CYP46A1: variants seen among roughly 807,000 people sequenced by gnomAD.
CYP46A1 encodes cholesterol 24-hydroxylase.
A neutral mutation model predicts 63.3 loss-of-function variants in CYP46A1; 20 were observed. That is an observed-to-expected ratio of 0.32 (90% CI 0.22 to 0.46). The LOEUF (loss-of-function observed/expected upper bound fraction) is 0.46. Ranked by LOEUF, CYP46A1 falls within the 20% of genes least tolerant of loss-of-function variation. The probability of loss-of-function intolerance (pLI) is 1.00; values close to 1 mark genes in which losing one functional copy is unlikely to be tolerated. For missense variants in CYP46A1, 445 were observed against 670.8 expected, an observed-to-expected ratio of 0.66 and a Z score of 3.72; for synonymous variants, 268 against 273.6, an observed-to-expected ratio of 0.98 and a Z score of 0.20.
intron 11 of CYP46A1, among the ~76,000 whole-genome samples, 188 bp from the exon 12 acceptor site, chr14:99,721,768 G>A (rs573528228): frequency 6.6e-6 from 1 of 152,108 alleles, no homozygotes; most frequent in South Asian, 2.1e-4. Context: ...TCTCCTTCTG[G>A]ACCTCAGTTT....
intron 10 of CYP46A1, among the ~76,000 whole-genome samples, chr14:99,720,280 G>A (rs529599228): frequency 1.2e-4 from 18 of 152,222 alleles, no homozygotes; most frequent in African/African-American, 4.3e-4. Context: ...ATCATATGGT[G>A]ATTCTATTTT....
At chr14:99,708,919 A>G (rs1356547086) in intron 7 of CYP46A1, 1 of 152,220 alleles carries the variant, frequency 6.6e-6, no homozygotes, top group Non-Finnish European at 1.5e-5. Flanking sequence ...TAACAATGAC[A>G]GTCTAAGCCA....
intron 14 of CYP46A1, 134 bp downstream of exon 14, chr14:99,726,390 C>T: frequency 8.5e-7 from 1 of 1,182,626 alleles, no homozygotes; most frequent in South Asian, 1.6e-5. Context: ...GGAGCCAGAC[C>T]CAGAGGACTG....
At chr14:99,712,186 A>G (rs1463108601) in intron 7 of CYP46A1, 2 of 152,222 alleles carry the variant, frequency 1.3e-5, no homozygotes, top group African/African-American at 2.4e-5. Context: ...CATCATACTT[A>G]GTGGGGAAAA....
chr14:99,720,328 G>A (rs1225257530), intron 10 of CYP46A1, among the ~76,000 whole-genome samples: 1 of 152,010 alleles, frequency 6.6e-6, no homozygotes, highest in Non-Finnish European at 1.5e-5. Flanking sequence ...TTTCCATAAC[G>A]GCTGAACCAT....
rs2056613363 is a variant in CYP46A1 at position 99,699,577 on chromosome 14, G to A, written c.356+38G>A. Reference sequence around the variant, plus strand: ...GGTGGAAGGCCTGGGTGGGAGGCCAGGAGAGCCCTGCTGTGAGTGAGGGCC... The same window carrying A: ...GGTGGAAGGCCTGGGTGGGAGGCCAAGAGAGCCCTGCTGTGAGTGAGGGCC... On this transcript the variant is annotated intron_variant, in intron 4 of 14. Transcript: ENST00000261835. 8 of 1,608,668 alleles carry A rather than the reference G, an allele frequency of 5.0e-6. No homozygotes were observed. The African/African-American group carries it at 1.1e-4, about 21-fold the overall frequency.
At chr14:99,716,086 G>C (rs768793505) in intron 8 of CYP46A1, 51 bp from the exon 9 acceptor site, 27 of 1,612,758 alleles carry the variant, frequency 1.7e-5, no homozygotes, top group Non-Finnish European at 2.3e-5. Flanking sequence ...ATGAGCCATG[G>C]GGAAAGGGAG....
intron 12 of CYP46A1, among the ~76,000 whole-genome samples, chr14:99,724,073 T>C (rs1346903415): frequency 3.3e-5 from 5 of 152,196 alleles, no homozygotes; most frequent in Non-Finnish European, 5.9e-5. Flanking sequence ...TGGTCTTCCT[T>C]CTGTGTGTCT....
At chr14:99,698,586 AC>A (rs1376199404) in intron 3 of CYP46A1, among the ~76,000 whole-genome samples, 1 of 152,154 alleles carries the variant, frequency 6.6e-6, no homozygotes, top group Non-Finnish European at 1.5e-5. Context: ...CATTCTTAGC[AC>A]TTCTTATGTA....
At chr14:99,702,029 C>CACT (rs1376757168) in intron 5 of CYP46A1, among the ~76,000 whole-genome samples, 1 of 143,292 alleles carries the variant, frequency 7.0e-6, no homozygotes, top group East Asian at 2.0e-4. Context: ...GAGATCACTC[C>CACT]ACTGCACTCC....
chr14:99,686,115 T>G (rs543561322), intron 1 of CYP46A1, among the ~76,000 whole-genome samples: 2 of 152,310 alleles, frequency 1.3e-5, no homozygotes, highest in South Asian at 4.1e-4. Context: ...ACATGCATAG[T>G]AGACACTCTA....
At chr14:99,715,477 A>G (rs763246749) in intron 7 of CYP46A1, among the ~76,000 whole-genome samples, 3 of 151,924 alleles carry the variant, frequency 2.0e-5, no homozygotes, top group African/African-American at 4.8e-5. Flanking sequence ...ATCGCACTCT[A>G]CTTCCCACTG....
Position 99,725,272 on chromosome 14 carries a change from G to T in CYP46A1, c.1177-119G>T, listed in dbSNP as rs372299965. 7 of 723,614 alleles carry T rather than the reference G, an allele frequency of 9.7e-6. No homozygotes were observed. The highest frequency in any genetic ancestry group is 1.7e-5 in the Non-Finnish European group (7 of 406,012). The allele number at this position is 723,614 out of a possible 1,614,324, so 44.8% of individuals were successfully genotyped here. A position where few individuals can be genotyped will look rare whatever the true frequency, so the allele number is the denominator to read the frequency against. ...CAACCTAGATGAGGGGTGAAGACATGGGGGGAGGAGAGTGGGACCCACTCT... is the reference window on the plus strand; with the variant it reads ...CAACCTAGATGAGGGGTGAAGACATTGGGGGAGGAGAGTGGGACCCACTCT... On this transcript the variant is annotated intron_variant, in intron 12 of 14. Transcript: ENST00000261835. This position sits in a 1 kb window ranked among gnomAD's most constrained non-coding sequence, Gnocchi z 4.2.
intron 1 of CYP46A1, among the ~76,000 whole-genome samples, chr14:99,688,820 A>G (rs1251983678): frequency 6.6e-6 from 1 of 151,320 alleles, no homozygotes; most frequent in African/African-American, 2.4e-5. Context: ...GGTGATCTCC[A>G]TGTTGTCGCA....
At chr14:99,698,895 C>T (rs1019563515) in intron 3 of CYP46A1, among the ~76,000 whole-genome samples, 2 of 152,208 alleles carry the variant, frequency 1.3e-5, no homozygotes, top group African/African-American at 4.8e-5. Context: ...CCTGCACTGC[C>T]TGTTGTCCAG....
At chr14:99,709,966 TAG>T (rs1372154424) in intron 7 of CYP46A1, 1 of 152,302 alleles carries the variant, frequency 6.6e-6, no homozygotes, top group East Asian at 1.9e-4. Flanking sequence ...GTCAAGATTA[TAG>T]TACCCAGTAA....
chr14:99,684,825 G>A (rs1595180133), intron 1 of CYP46A1: 1 of 514,858 alleles, frequency 1.9e-6, no homozygotes. Context: ...GGAGACTGAG[G>A]CGCTCAGAGG....
At chr14:99,684,576 G>A (rs2056472990) in intron 1 of CYP46A1, 40 bp downstream of exon 1, 11 of 1,411,496 alleles carry the variant, frequency 7.8e-6, no homozygotes, top group Non-Finnish European at 1.0e-5. Flanking sequence ...GGGGTGCTGG[G>A]ACTGGGGGCC....
chr14:99,699,106 G>C (rs1595189441), intron 3 of CYP46A1, among the ~76,000 whole-genome samples: 1 of 152,086 alleles, frequency 6.6e-6, no homozygotes, highest in Non-Finnish European at 1.5e-5. Flanking sequence ...TCTCCCGGAA[G>C]GGCTTCTCCC....
Sources: gnomAD v4.1 joint callset for allele counts (sites outside exome capture counted in the v4.1 genomes callset) on GRCh38, gnomAD v4.1.1 for gene constraint, Gnocchi (gnomAD v3.1) non-coding constraint, MANE v1.5 for transcripts, NCBI Gene and HGNC (gene_info 2026-07-23, HGNC 2026-07-21) for gene names.